ESRRG: variants seen among roughly 807,000 people sequenced by gnomAD.
ESRRG encodes the protein estrogen related receptor gamma, also known as estrogen-related receptor gamma.
Under a neutral mutation model 44.0 loss-of-function variants are expected in ESRRG, and 13 were observed. That is an observed-to-expected ratio of 0.30 (90% CI 0.19 to 0.47). The LOEUF (loss-of-function observed/expected upper bound fraction) is 0.47, where lower values mean the gene tolerates loss of function less well. Among genes scored for constraint, ESRRG ranks in the 20% least tolerant of loss-of-function variants. The probability of loss-of-function intolerance (pLI) is 1.00; values close to 1 mark genes in which losing one functional copy is unlikely to be tolerated. For synonymous variants in ESRRG, 215 were observed against 214.6 expected (o/e 1.00, Z -0.02); for missense variants, 395 against 580.6 (o/e 0.68, Z 3.29).
Position 216,889,630 on chromosome 1 carries a change from T to C in ESRRG, c.-14+49952A>G, listed in dbSNP as rs370913801. On this transcript the variant is annotated intron_variant, in intron 2 of 7. Transcript: ENST00000359162. ...GCCAAATGAGGTGCTGTCAGAAAAG[T>C]AAAAGGGCACCACTTTTAGCAATTT... 4.3e-4 allele frequency among the ~76,000 whole-genome samples: 66 copies of C among 152,322 alleles called. 1 individual carries two copies. The South Asian group carries it at 0.011, about 25-fold the overall frequency.
At chr1:216,771,132 C>A (rs937291939) in intron 2 of ESRRG, among the ~76,000 whole-genome samples, 1 of 152,022 alleles carries the variant, frequency 6.6e-6, no homozygotes, top group Non-Finnish European at 1.5e-5. Context: ...CACTTCAATT[C>A]CACTTTTTAA....
intron 2 of ESRRG, among the ~76,000 whole-genome samples, chr1:216,665,362 T>C (rs574531107): frequency 6.6e-6 from 1 of 152,284 alleles, no homozygotes; most frequent in South Asian, 2.1e-4. Flanking sequence ...TATTATTCCA[T>C]TTTTAAAAAG....
In ESRRG at chr1:216,617,080, AAC is replaced by A. The variant is rs1391095930; in HGVS notation, c.589+33891_589+33892del. Among the ~76,000 whole-genome samples the A allele has an allele frequency of 2.0e-5, 3 of 152,274 alleles. No individual in the cohort carries two copies. The East Asian group carries it at 5.8e-4, about 29-fold the overall frequency. On this transcript the variant is annotated intron_variant, in intron 3 of 6. Transcript: ENST00000408911. ...AAACTCATCCAATCTGTTTCTTTTC[AAC>A]ATTTTCAATGTTTGTTATATGATGT...
In ESRRG at chr1:216,881,974, T is replaced by C. The variant is rs571394526; in HGVS notation, c.-14+57608A>G. On this transcript the variant is annotated intron_variant, in intron 2 of 7. Transcript: ENST00000359162. The stretch of plus-strand genomic sequence containing the variant: ...ATGAGTTTGCTATGCACTGGGTTTT[T>C]TTTTTTTTAATCCTTAAGAAAATAG... Among the ~76,000 whole-genome samples, 268 of 151,970 alleles carry C rather than the reference T, an allele frequency of 1.8e-3. 4 individuals are homozygous for C. The highest frequency in any genetic ancestry group is 6.4e-3 in the African/African-American group (264 of 41,414).
At chr1:216,850,695 T>A (rs985620930) in intron 2 of ESRRG, among the ~76,000 whole-genome samples, 2 of 152,080 alleles carry the variant, frequency 1.3e-5, no homozygotes, top group African/African-American at 2.4e-5. Flanking sequence ...ATATATATCA[T>A]TTCCCCTAGA....
At chr1:216,518,892 C>T (rs777267612) in intron 6 of ESRRG, among the ~76,000 whole-genome samples, 1 of 152,142 alleles carries the variant, frequency 6.6e-6, no homozygotes, top group Non-Finnish European at 1.5e-5. Context: ...AGAGCTTTTG[C>T]TTTGCCATGA....
At chr1:216,869,356 T>C (rs2096225756) in intron 2 of ESRRG, among the ~76,000 whole-genome samples, 1 of 152,144 alleles carries the variant, frequency 6.6e-6, no homozygotes, top group Non-Finnish European at 1.5e-5. Context: ...TGTCAAAAAA[T>C]AATTGGTCAT....
At chr1:216,532,791 T>C (rs1433976240) in intron 5 of ESRRG, among the ~76,000 whole-genome samples, 1 of 152,190 alleles carries the variant, frequency 6.6e-6, no homozygotes, top group Non-Finnish European at 1.5e-5. Context: ...CCATGAAATA[T>C]TTAGATCCGT....
At chr1:216,586,635 G>T (rs2063858181) in intron 3 of ESRRG, among the ~76,000 whole-genome samples, 1 of 144,318 alleles carries the variant, frequency 6.9e-6, no homozygotes, top group African/African-American at 2.6e-5. Context: ...CAGGTGCAGT[G>T]GCACCATCTC....
intron 1 of ESRRG, among the ~76,000 whole-genome samples, chr1:216,985,389 C>T (rs2150438109): frequency 6.6e-6 from 1 of 152,290 alleles, no homozygotes; most frequent in Admixed American, 6.5e-5. Flanking sequence ...CCCTCCAATC[C>T]AGGCTGGAGA....
intron 2 of ESRRG, among the ~76,000 whole-genome samples, chr1:216,733,066 C>CAA (rs35856655): frequency 1.4e-5 from 2 of 147,092 alleles, no homozygotes; most frequent in East Asian, 2.0e-4. Flanking sequence ...AACAATAATC[C>CAA]AAAAAAAAAA....
At chr1:216,787,599 C>CA (rs34433548) in intron 2 of ESRRG, among the ~76,000 whole-genome samples, 12,057 of 76,372 alleles carry the variant, frequency 0.16, 1,098 homozygotes, top group Non-Finnish European at 0.23. Flanking sequence ...AAGACTCCAT[C>CA]AAAAAAAAAA....
At chr1:216,657,325 C>T (rs186674093) in intron 2 of ESRRG, among the ~76,000 whole-genome samples, 7 of 152,200 alleles carry the variant, frequency 4.6e-5, no homozygotes, top group Admixed American at 3.9e-4. Flanking sequence ...GTCCACAGTT[C>T]GACTTTAAAT....
At chr1:216,773,342 A>G (rs930560858) in intron 2 of ESRRG, among the ~76,000 whole-genome samples, 4 of 152,108 alleles carry the variant, frequency 2.6e-5, no homozygotes, top group Non-Finnish European at 4.4e-5. Flanking sequence ...CAGAAATGCA[A>G]TGATCCAATA....
intron 1 of ESRRG, among the ~76,000 whole-genome samples, chr1:216,680,102 G>A (rs2076785953): frequency 6.6e-6 from 1 of 152,190 alleles, no homozygotes; most frequent in African/African-American, 2.4e-5. Context: ...GATTTGTGCT[G>A]TAGGTTGTAC....
intron 1 of ESRRG, among the ~76,000 whole-genome samples, chr1:217,118,232 CCAAA>C (rs2092763492): frequency 6.6e-6 from 1 of 152,118 alleles, no homozygotes; most frequent in African/African-American, 2.4e-5. Context: ...AGAAATTAAC[CCAAA>C]CAGTCTGATT....
At chr1:216,875,130 C>T (rs1040574845) in intron 2 of ESRRG, among the ~76,000 whole-genome samples, 5 of 152,164 alleles carry the variant, frequency 3.3e-5, no homozygotes, top group Non-Finnish European at 7.4e-5. Flanking sequence ...AATAAGCTCC[C>T]TTTCGTATAT....
At chr1:216,744,628 A>G (rs1446159523) in intron 2 of ESRRG, among the ~76,000 whole-genome samples, 1 of 152,196 alleles carries the variant, frequency 6.6e-6, no homozygotes, top group Admixed American at 6.5e-5. Context: ...AGAAATGCAC[A>G]CACATAGGAC....
chr1:216,676,637 C>T (rs115075776), intron 2 of ESRRG, among the ~76,000 whole-genome samples: 7,272 of 152,176 alleles, frequency 0.048, 230 homozygotes, highest in Non-Finnish European at 0.077. Context: ...CAGGAATCTG[C>T]ATTTTAACAA....
Sources: allele counts gnomAD v4.1 joint callset (sites outside exome capture counted in the v4.1 genomes callset), GRCh38; gene constraint gnomAD v4.1.1; transcripts MANE v1.5; gene names NCBI Gene and HGNC (gene_info 2026-07-23, HGNC 2026-07-21).